Variants in CTNNA3 observed in about 807,000 individuals in gnomAD.
CTNNA3 encodes catenin alpha-3.
In CTNNA3, 76 loss-of-function variants were observed where a neutral mutation model predicts 95.7. The observed-to-expected ratio is 0.79, with a 90% CI of 0.66 to 0.96. The LOEUF (loss-of-function observed/expected upper bound fraction) is 0.96, where lower values mean the gene tolerates loss of function less well. Ranked by LOEUF, CTNNA3 falls within the 40% of genes least tolerant of loss-of-function variation. The pLI is 0.00. For missense variants in CTNNA3, 1,191 were observed against 1,089.8 expected (o/e 1.09, Z -1.31); for synonymous variants, 431 against 374.4 (o/e 1.15, Z -1.74).
At chr10:67,312,344 T>C (rs555502124) in intron 5 of CTNNA3, among the ~76,000 whole-genome samples, 1 of 152,258 alleles carries the variant, frequency 6.6e-6, no homozygotes, top group East Asian at 1.9e-4. Context: ...GTGCTGAGAT[T>C]ATAGGCATGA....
intron 7 of CTNNA3, among the ~76,000 whole-genome samples, chr10:67,171,532 C>G (rs1191679150): frequency 2.0e-5 from 3 of 151,804 alleles, no homozygotes; most frequent in African/African-American, 7.3e-5. Context: ...CGAGATCACA[C>G]CATTGCACTC....
chr10:67,007,657 T>C (rs1852078670), intron 7 of CTNNA3, among the ~76,000 whole-genome samples: 1 of 152,018 alleles, frequency 6.6e-6, no homozygotes, highest in South Asian at 2.1e-4. Context: ...TGTTACAGCC[T>C]TCAAAGACCA....
chr10:67,469,842 G>C (rs1237885300), intron 5 of CTNNA3, among the ~76,000 whole-genome samples: 4 of 151,518 alleles, frequency 2.6e-5, no homozygotes, highest in Non-Finnish European at 4.4e-5. Flanking sequence ...ATATTTATGG[G>C]GTACATAAGA....
At chr10:67,564,552 T>C (rs1841674740) in intron 3 of CTNNA3, among the ~76,000 whole-genome samples, 1 of 141,158 alleles carries the variant, frequency 7.1e-6, no homozygotes, top group African/African-American at 2.7e-5. Flanking sequence ...GAATGATGAG[T>C]TAATCGGTGC....
chr10:67,510,266 C>T (rs1301829432), intron 5 of CTNNA3, among the ~76,000 whole-genome samples: 2 of 152,106 alleles, frequency 1.3e-5, no homozygotes, highest in Non-Finnish European at 2.9e-5. Context: ...TTTGCCCATG[C>T]CTATGTCCTG....
chr10:66,323,698 AG>A (rs1315763289), intron 12 of CTNNA3, among the ~76,000 whole-genome samples: 30 of 151,338 alleles, frequency 2.0e-4, no homozygotes, highest in African/African-American at 7.0e-4. Flanking sequence ...TCCCCAGCAA[AG>A]CCCCTACTCT....
chr10:67,533,900 C>A (rs1001742775), intron 4 of CTNNA3, among the ~76,000 whole-genome samples: 5 of 150,866 alleles, frequency 3.3e-5, no homozygotes, highest in Admixed American at 1.3e-4. Flanking sequence ...TATACTTCAA[C>A]GGGATTGAAA....
intron 7 of CTNNA3, among the ~76,000 whole-genome samples, chr10:66,776,567 T>G (rs571942650): frequency 6.6e-6 from 1 of 152,262 alleles, no homozygotes; most frequent in South Asian, 2.1e-4. Flanking sequence ...CCTAACCTAC[T>G]TTTTTACTCT....
chr10:66,526,650 G>A (rs1023712217), intron 10 of CTNNA3, among the ~76,000 whole-genome samples: 1 of 151,944 alleles, frequency 6.6e-6, no homozygotes, highest in East Asian at 1.9e-4. Context: ...CATCCTAATG[G>A]GTGTGAAGTG....
At chr10:67,292,823 T>A (rs1178670459) in intron 5 of CTNNA3, among the ~76,000 whole-genome samples, 1 of 152,024 alleles carries the variant, frequency 6.6e-6, no homozygotes, top group African/African-American at 2.4e-5. Context: ...ATCATTGTGG[T>A]TTGAGATGTG....
intron 7 of CTNNA3, among the ~76,000 whole-genome samples, chr10:66,977,917 T>C (rs1424364754): frequency 2.6e-5 from 4 of 152,168 alleles, no homozygotes; most frequent in East Asian, 3.8e-4. Context: ...CCTTGTTTAA[T>C]ACTTATGGAA....
At chr10:67,176,505 G>A (rs1359822210) in intron 7 of CTNNA3, among the ~76,000 whole-genome samples, 1 of 152,124 alleles carries the variant, frequency 6.6e-6, no homozygotes, top group Non-Finnish European at 1.5e-5. Context: ...TAATGGATTC[G>A]AAATGAAAGG....
intron 7 of CTNNA3, among the ~76,000 whole-genome samples, chr10:66,908,018 C>A (rs1846065738): frequency 6.6e-6 from 1 of 152,154 alleles, no homozygotes; most frequent in Non-Finnish European, 1.5e-5. Flanking sequence ...CTACACATAG[C>A]ACATCTGGGA....
intron 11 of CTNNA3, among the ~76,000 whole-genome samples, chr10:66,500,196 A>C (rs1459201365): frequency 6.6e-6 from 1 of 152,168 alleles, no homozygotes; most frequent in Non-Finnish European, 1.5e-5. Flanking sequence ...AAATCCATAA[A>C]AAATTCAGCT....
intron 13 of CTNNA3, among the ~76,000 whole-genome samples, chr10:66,176,467 A>G (rs1181077222): frequency 7.2e-5 from 11 of 152,154 alleles, no homozygotes; most frequent in African/African-American, 2.4e-4. Flanking sequence ...GAATTGAACA[A>G]TGGAGAGATC....
intron 7 of CTNNA3, among the ~76,000 whole-genome samples, chr10:67,092,367 A>G (rs1258161899): frequency 1.3e-5 from 2 of 152,004 alleles, no homozygotes; most frequent in Non-Finnish European, 2.9e-5. Flanking sequence ...AACTAGAGAG[A>G]GAATTCTAGA....
rs1362659559 is a variant in CTNNA3 at position 67,742,320 on chromosome 10, T to A, written c.-2+21114A>T. 4.0e-5 allele frequency among the ~76,000 whole-genome samples: 6 copies of A among 151,172 alleles called. No individual in the cohort carries two copies. The East Asian group carries it at 1.2e-3, about 29-fold the overall frequency. On this transcript the variant is annotated intron_variant, in intron 1 of 17. Transcript: ENST00000684154. ...AACTGTCTCTCAGACCACGGTGCAATCAAACTAGAACTCAGGATTAAGAAA... is the reference window on the plus strand; with the variant it reads ...AACTGTCTCTCAGACCACGGTGCAAACAAACTAGAACTCAGGATTAAGAAA...
chr10:66,759,528 G>A (rs1270312066), intron 9 of CTNNA3, among the ~76,000 whole-genome samples: 6 of 152,164 alleles, frequency 3.9e-5, no homozygotes, highest in Admixed American at 3.9e-4. Context: ...CTTACTAAAT[G>A]TCAGACTAAG....
chr10:66,739,203 G>A lies in CTNNA3; in HGVS notation c.1281+27061C>T, dbSNP rs73322167. ...CATCTCTACTGTATTTAGAGCAATG[G>A]TTCTCAAACTTTAGTGTCCATCAGA... On this transcript the variant is annotated intron_variant, in intron 9 of 17. Transcript: ENST00000433211. Among the ~76,000 whole-genome samples the A allele has an allele frequency of 3.6e-3, 545 of 152,230 alleles. 2 individuals carry two copies. Among genetic ancestry groups the A allele is most frequent in the African/African-American group, 0.013 (521 of 41,546 alleles).
Sources: allele counts gnomAD v4.1 joint callset (sites outside exome capture counted in the v4.1 genomes callset), GRCh38; gene constraint gnomAD v4.1.1; transcripts MANE v1.5; gene names NCBI Gene and HGNC (gene_info 2026-07-23, HGNC 2026-07-21).